CHD1: variants seen among roughly 807,000 people sequenced by gnomAD.
CHD1 encodes the protein ATP-dependent chromatin remodeler CHD1.
A neutral mutation model predicts 224.2 loss-of-function variants in CHD1; 36 were observed. That is an observed-to-expected ratio of 0.16 (90% CI 0.12 to 0.21). The LOEUF (loss-of-function observed/expected upper bound fraction) is 0.21, where lower values mean the gene tolerates loss of function less well. CHD1 is among the 10% of genes least tolerant of loss of function. The pLI is 1.00. For synonymous variants in CHD1, 668 were observed against 658.3 expected, an observed-to-expected ratio of 1.01 and a Z score of -0.23; for missense variants, 1,378 against 1,994.8, an observed-to-expected ratio of 0.69 and a Z score of 5.89.
intron 2 of CHD1, among the ~76,000 whole-genome samples, chr5:98,918,780 A>C (rs1031347060): frequency 6.8e-6 from 1 of 147,894 alleles, no homozygotes; most frequent in Non-Finnish European, 1.5e-5. Flanking sequence ...AAAAAAAAAA[A>C]CTTCCTCTCC....
intron 28 of CHD1, 56 bp downstream of exon 28, chr5:98,871,995 T>C: frequency 7.0e-7 from 1 of 1,420,134 alleles, no homozygotes; most frequent in South Asian, 1.5e-5. Context: ...AAAGCAAGAA[T>C]TAGAATAAAT....
chr5:98,868,358 C>T, intron 31 of CHD1, 137 bp downstream of exon 31: 1 of 587,732 alleles, frequency 1.7e-6, no homozygotes, highest in Non-Finnish European at 2.6e-6. Context: ...AAAAGACACC[C>T]TTCAAATTTC....
intron 12 of CHD1, 39 bp downstream of exon 12, chr5:98,896,187 G>T: frequency 6.6e-7 from 1 of 1,513,390 alleles, no homozygotes; most frequent in Non-Finnish European, 9.2e-7. Flanking sequence ...TCAAAGACAA[G>T]TACATTTTGA....
At chr5:98,889,045 T>A (rs201693049) in intron 16 of CHD1, 31 bp downstream of exon 16, 1 of 1,457,112 alleles carries the variant, frequency 6.9e-7, no homozygotes, top group East Asian at 2.3e-5. Flanking sequence ...TAGAACTTTA[T>A]CACAAAGAAA....
In CHD1 at chr5:98,905,040, T is replaced by C; in HGVS notation, c.112A>G (p.Ser38Gly). 1 of 1,583,186 alleles carries C rather than the reference T, an allele frequency of 6.3e-7. No individual in the cohort carries two copies. The highest frequency in any genetic ancestry group is 8.7e-7 in the Non-Finnish European group (1 of 1,151,694). ...SGSGSGSSSGSSSDGSSSQSG... is the reference protein window; with the variant it reads ...SGSGSGSSSGGSSDGSSSQSG... ...TGGCTACTGCTTCCATCACTACTGC[T>C]TCCAGAACTCGAACCAGATCCAGAG... The change falls in exon 3 of 36, where the codon AGC becomes GGC. Residue 38 changes from serine (S) to glycine (G), a missense_variant. By Grantham distance (56) the Ser-to-Gly change is moderately conservative. Transcript: ENST00000614616.
intron 5 of CHD1, 113 bp from the exon 6 acceptor site, chr5:98,901,448 C>G: frequency 1.3e-6 from 1 of 755,082 alleles, no homozygotes; most frequent in Non-Finnish European, 2.0e-6. Context: ...AATACTGTTG[C>G]TTTTACTCAT....
Position 98,903,849 on chromosome 5 carries a change from C to T in CHD1, c.315G>A (p.Gln105=). The T allele has an allele frequency of 1.2e-6, 2 of 1,613,466 alleles. No homozygotes were observed. Among genetic ancestry groups the T allele is most frequent in the Non-Finnish European group, 1.7e-6 (2 of 1,179,688 alleles). The part of the protein sequence containing the change: ...AVQRSAILKK[Q]QQQQQQQQHQ... ...GTTGTTGTTGCTGCTGCTGCTGTTG[C>T]TGCTTCTTGAGGATTGCAGATCTCT... Residue 105 remains glutamine (Q), a synonymous_variant, in exon 4 of 36, where the codon CAG becomes CAA. Transcript: ENST00000614616.
At chr5:98,905,795 A>C (rs967126536) in intron 2 of CHD1, among the ~76,000 whole-genome samples, 29 of 152,172 alleles carry the variant, frequency 1.9e-4, no homozygotes, top group African/African-American at 6.3e-4. Context: ...GACATTTCAT[A>C]AACTATCCTT....
intron 19 of CHD1, among the ~76,000 whole-genome samples, chr5:98,882,559 A>G (rs1407376465): frequency 1.3e-5 from 2 of 152,112 alleles, no homozygotes; most frequent in African/African-American, 2.4e-5. Flanking sequence ...AACTCTCCAA[A>G]ATTGAAAAGA....
At chr5:98,900,441 C>CA (rs1751627721) in intron 7 of CHD1, among the ~76,000 whole-genome samples, 1 of 140,974 alleles carries the variant, frequency 7.1e-6, no homozygotes, top group African/African-American at 2.6e-5. Flanking sequence ...AATACTTTAC[C>CA]TTTTTTTTTT....
chr5:98,858,590 TCA>T (rs1455547573), intron 34 of CHD1, 200 bp from the exon 35 acceptor site: 2 of 520,326 alleles, frequency 3.8e-6, no homozygotes, highest in African/African-American at 1.9e-5. Context: ...TTCTGAAATG[TCA>T]CAAAAACTAA....
intron 30 of CHD1, chr5:98,869,306 TACTA>T (rs1487963328): frequency 2.0e-6 from 2 of 984,280 alleles, no homozygotes; most frequent in Non-Finnish European, 2.4e-6. Context: ...GCCAATGTAT[TACTA>T]ACCAAATTTT....
chr5:98,918,949 C>A (rs934697889), intron 2 of CHD1, among the ~76,000 whole-genome samples: 2 of 152,260 alleles, frequency 1.3e-5, no homozygotes, highest in African/African-American at 4.8e-5. Context: ...ACCTCACTTG[C>A]ATGCCCATTT....
intron 4 of CHD1, among the ~76,000 whole-genome samples, chr5:98,903,419 G>A (rs1289119465): frequency 6.6e-6 from 1 of 152,074 alleles, no homozygotes; most frequent in South Asian, 2.1e-4. Flanking sequence ...AAAATATTAT[G>A]TTGAGATTTC....
chr5:98,868,953 C>T, intron 30 of CHD1: 5 of 751,142 alleles, frequency 6.7e-6, no homozygotes, highest in Non-Finnish European at 8.2e-6. Context: ...AATTTAGTCT[C>T]CTAAAATGTA....
Position 98,898,746 on chromosome 5 carries a change from T to A in CHD1, c.1104A>T (p.Pro368=). ...GGCAATTATAATATTCCACATCTTC[T>A]GGAGAGGCATTTTTCAACCTGAAAA... The part of the protein sequence containing the change: ...ETKRWLKNAS[P]EDVEYYNCQQ... Residue 368 remains proline, a synonymous_variant, in exon 9 of 36, where the codon CCA becomes CCT. Transcript: ENST00000614616. 6.3e-7 allele frequency: 1 copy of A among 1,591,612 alleles called. No individual in the cohort carries two copies. The highest frequency in any genetic ancestry group is 8.6e-7 in the Non-Finnish European group (1 of 1,161,910).
At chr5:98,899,243 T>A (rs148996121) in intron 8 of CHD1, among the ~76,000 whole-genome samples, 308 of 152,338 alleles carry the variant, frequency 2.0e-3, no homozygotes, top group African/African-American at 7.2e-3. Context: ...CAAATAGTTG[T>A]TACATGGTAT....
At chr5:98,868,331 GAA>G (rs58475767) in intron 31 of CHD1, among the ~76,000 whole-genome samples, 162 bp downstream of exon 31, 27 of 91,696 alleles carry the variant, frequency 2.9e-4, no homozygotes, top group Non-Finnish European at 3.9e-4. Context: ...ACTCAAAAAA[GAA>G]AAAAAAAAAA....
chr5:98,890,180 A>G (rs1750922549), intron 15 of CHD1, among the ~76,000 whole-genome samples: 1 of 152,218 alleles, frequency 6.6e-6, no homozygotes, highest in Non-Finnish European at 1.5e-5. Flanking sequence ...GCTGAATTTA[A>G]AAAAGAAAAG....
Sources: allele counts gnomAD v4.1 joint callset (sites outside exome capture counted in the v4.1 genomes callset), GRCh38; gene constraint gnomAD v4.1.1; transcripts MANE v1.5; gene names NCBI Gene and HGNC (gene_info 2026-07-23, HGNC 2026-07-21).